R3HCC1L: variants seen among roughly 807,000 people sequenced by gnomAD.
R3HCC1L encodes R3H domain and coiled-coil containing 1 like, also known as coiled-coil domain-containing protein R3HCC1L.
A neutral mutation model predicts 59.9 loss-of-function variants in R3HCC1L; 51 were observed. The ratio of observed to expected loss-of-function variants is 0.85; its 90% CI spans 0.68 to 1.07. The LOEUF (loss-of-function observed/expected upper bound fraction) is 1.07, where lower values mean the gene tolerates loss of function less well. R3HCC1L is among the 50% of genes least tolerant of loss of function. R3HCC1L has a pLI of 0.00. For missense variants in R3HCC1L, 965 were observed against 933.0 expected (o/e 1.03, Z -0.45); for synonymous variants, 322 against 315.2 (o/e 1.02, Z -0.23).
intron 4 of R3HCC1L, among the ~76,000 whole-genome samples, chr10:98,189,732 A>G (rs1012206123): frequency 6.6e-6 from 1 of 152,218 alleles, no homozygotes; most frequent in Non-Finnish European, 1.5e-5. Flanking sequence ...GGAAGGATGC[A>G]TTAAGAAAAC....
At chr10:98,222,957 T>G (rs1334893006) in intron 5 of R3HCC1L, among the ~76,000 whole-genome samples, 1 of 152,116 alleles carries the variant, frequency 6.6e-6, no homozygotes, top group Non-Finnish European at 1.5e-5. Context: ...GATAAATTCC[T>G]CGACACATAC....
chr10:98,241,734 C>G (rs1374402819), intron 9 of R3HCC1L, among the ~76,000 whole-genome samples: 1 of 151,924 alleles, frequency 6.6e-6, no homozygotes, highest in African/African-American at 2.4e-5. Flanking sequence ...TAGATATTTT[C>G]AGATGTCAGG....
At chr10:98,233,168 T>C (rs1856571862) in intron 6 of R3HCC1L, among the ~76,000 whole-genome samples, 1 of 152,170 alleles carries the variant, frequency 6.6e-6, no homozygotes, top group Non-Finnish European at 1.5e-5. Context: ...TAATGATGAT[T>C]CTTAAAACTA....
At chr10:98,235,391 C>T (rs1200891516) in intron 7 of R3HCC1L, 34 bp from the exon 8 acceptor site, 1 of 1,569,434 alleles carries the variant, frequency 6.4e-7, no homozygotes, top group African/African-American at 1.4e-5. Context: ...CACTCTACTT[C>T]ATGTCTTCTG....
intron 2 of R3HCC1L, among the ~76,000 whole-genome samples, chr10:98,159,141 A>G (rs753958572): frequency 6.6e-6 from 1 of 152,146 alleles, no homozygotes; most frequent in Non-Finnish European, 1.5e-5. Context: ...CAAGACAGTT[A>G]TTTTGTAGAA....
In R3HCC1L at chr10:98,209,018, C is replaced by G; in HGVS notation, c.904C>G (p.Gln302Glu). 1.9e-6 allele frequency: 3 copies of G among 1,613,734 alleles called. No homozygotes were observed. The highest frequency in any genetic ancestry group is 1.7e-6 in the Non-Finnish European group (2 of 1,179,760). Residue 302 changes from glutamine (Q) to glutamate (E), a missense_variant, in exon 5 of 10, where the codon CAA (glutamine) becomes GAA (glutamate). Physicochemically the swap from Gln to Glu is conservative, Grantham distance 29. Coordinates refer to ENST00000298999, the MANE Select transcript of R3HCC1L (RefSeq NM_001351015.2). ...CAATAGTACAGGTTTCATCTTAGAT[C>G]AAAAAGATACAGATTCCATTCCTGC... Reference protein sequence around the residue: ...IANSTGFILDQKDTDSIPATM... With the variant: ...IANSTGFILDEKDTDSIPATM...
chr10:98,218,490 A>G (rs1854474665), intron 5 of R3HCC1L, among the ~76,000 whole-genome samples: 1 of 152,184 alleles, frequency 6.6e-6, no homozygotes, highest in African/African-American at 2.4e-5. Flanking sequence ...GTATTAAAAA[A>G]AACTTTTGTT....
intron 4 of R3HCC1L, 104 bp from the exon 5 acceptor site, chr10:98,207,997 C>T (rs1276722965): frequency 1.8e-6 from 2 of 1,084,296 alleles, no homozygotes; most frequent in Non-Finnish European, 2.6e-6. Flanking sequence ...TGTACTCTAG[C>T]CTGGGTGACA....
intron 4 of R3HCC1L, among the ~76,000 whole-genome samples, chr10:98,179,998 C>T (rs1197018288): frequency 1.3e-5 from 2 of 152,056 alleles, no homozygotes; most frequent in Non-Finnish European, 2.9e-5. Flanking sequence ...TTGACCTTTT[C>T]AAAAAACCAG....
chr10:98,155,940 A>AATGTTAT (rs1315828836), intron 1 of R3HCC1L, among the ~76,000 whole-genome samples, 153 bp from the exon 2 acceptor site: 1 of 152,080 alleles, frequency 6.6e-6, no homozygotes, highest in Non-Finnish European at 1.5e-5. Context: ...TCTAATAGTT[A>AATGTTAT]ATGTTATATT....
intron 9 of R3HCC1L, among the ~76,000 whole-genome samples, chr10:98,241,116 T>C (rs1857487575): frequency 6.6e-6 from 1 of 152,188 alleles, no homozygotes; most frequent in Non-Finnish European, 1.5e-5. Flanking sequence ...AAAACTTTGC[T>C]AAAATTAAGA....
At chr10:98,184,628 A>C (rs895599952) in intron 4 of R3HCC1L, among the ~76,000 whole-genome samples, 1 of 152,188 alleles carries the variant, frequency 6.6e-6, no homozygotes, top group African/African-American at 2.4e-5. Context: ...ACTGTAGTAC[A>C]TTGCTGTTAC....
chr10:98,221,546 G>A (rs140160141), intron 5 of R3HCC1L, among the ~76,000 whole-genome samples: 18 of 151,348 alleles, frequency 1.2e-4, no homozygotes, highest in African/African-American at 3.2e-4. Flanking sequence ...ATCTTGAATT[G>A]ATTTTTGTAT....
chr10:98,157,485 G>A (rs1462217968), intron 2 of R3HCC1L, among the ~76,000 whole-genome samples: 1 of 152,174 alleles, frequency 6.6e-6, no homozygotes, highest in Non-Finnish European at 1.5e-5. Context: ...TCTCAGGATC[G>A]CTCCTTTCAC....
chr10:98,190,811 A>AC (rs1850747703), intron 4 of R3HCC1L, among the ~76,000 whole-genome samples: 2 of 66,850 alleles, frequency 3.0e-5, no homozygotes, highest in Admixed American at 2.9e-4. Context: ...CCAGTCCCCC[A>AC]CCCCCCGACA....
chr10:98,143,996 A>C (rs1221634321), intron 1 of R3HCC1L, among the ~76,000 whole-genome samples: 1 of 152,040 alleles, frequency 6.6e-6, no homozygotes, highest in Non-Finnish European at 1.5e-5. Context: ...TTATATATAA[A>C]CTTTGTGTCC....
At chr10:98,193,054 A>C (rs1451483058) in intron 4 of R3HCC1L, among the ~76,000 whole-genome samples, 3 of 152,102 alleles carry the variant, frequency 2.0e-5, no homozygotes, top group African/African-American at 7.2e-5. Flanking sequence ...CTGATTCAGT[A>C]AAAGTACTGA....
At chr10:98,223,339 C>G (rs1348796180) in intron 5 of R3HCC1L, among the ~76,000 whole-genome samples, 1 of 152,120 alleles carries the variant, frequency 6.6e-6, no homozygotes, top group Non-Finnish European at 1.5e-5. Context: ...AGCTTATCCA[C>G]CATGATCAAG....
chr10:98,235,982 T>C, intron 8 of R3HCC1L, 42 bp from the exon 9 acceptor site: 2 of 1,582,178 alleles, frequency 1.3e-6, no homozygotes, highest in Non-Finnish European at 1.7e-6. Context: ...GAGTGCTCTC[T>C]CTTCTTGACT....
Sources: allele counts gnomAD v4.1 joint callset (sites outside exome capture counted in the v4.1 genomes callset), GRCh38; gene constraint gnomAD v4.1.1; transcripts MANE v1.5; gene names NCBI Gene and HGNC (gene_info 2026-07-23, HGNC 2026-07-21).